PHF14: variants seen among roughly 807,000 people sequenced by gnomAD.
PHF14 encodes the protein PHD finger protein 14.
PHF14 carries 55 observed loss-of-function variants against 117.9 expected under a neutral mutation model. The observed-to-expected ratio is 0.47, with a 90% CI of 0.38 to 0.58. The LOEUF (loss-of-function observed/expected upper bound fraction) is 0.58. Ranked by LOEUF, PHF14 falls within the 20% of genes least tolerant of loss-of-function variation. PHF14 has a pLI of 0.00. For synonymous variants in PHF14, 409 were observed against 368.6 expected (o/e 1.11, Z -1.26); for missense variants, 978 against 1,122.2 (o/e 0.87, Z 1.84).
At position 11,130,925 on chromosome 7, in the gene PHF14, T is replaced by C. The variant is rs1699769487; in HGVS notation, c.2772+19458T>C. Among the ~76,000 whole-genome samples the C allele has an allele frequency of 1.3e-5, 2 of 151,994 alleles. No homozygotes were observed. Among genetic ancestry groups the C allele is most frequent in the African/African-American group, 4.8e-5 (2 of 41,424 alleles). The stretch of plus-strand genomic sequence containing the variant: ...GAATGTCATATAGTATGTAGCCTGT[T>C]CAATTTGGCTTCTTTCCGTAAGCAA... On this transcript the variant is annotated intron_variant, in intron 17 of 17. Coordinates refer to ENST00000634607, the MANE Select transcript of PHF14 (RefSeq NM_001007157.2). The surrounding 1 kb of genome is among the most constrained non-coding windows in gnomAD (Gnocchi z 4.2).
chr7:11,131,769 T>C (rs1010667304), intron 17 of PHF14, among the ~76,000 whole-genome samples: 4 of 151,898 alleles, frequency 2.6e-5, no homozygotes, highest in African/African-American at 7.2e-5. Context: ...CATTTATGTC[T>C]GTGATTCATT....
intron 17 of PHF14, among the ~76,000 whole-genome samples, chr7:11,148,954 T>C (rs960650092): frequency 1.3e-5 from 2 of 152,332 alleles, no homozygotes; most frequent in African/African-American, 4.8e-5. Flanking sequence ...CTAGCATAAT[T>C]TGCATACATA....
At position 11,036,703 on chromosome 7, in the gene PHF14, T is replaced by C; in HGVS notation, c.1873+15T>C. 1 of 1,600,810 alleles carries C rather than the reference T, an allele frequency of 6.2e-7. No homozygotes were observed. Among genetic ancestry groups the C allele is most frequent in the Non-Finnish European group, 8.5e-7 (1 of 1,170,782 alleles). ...TTATTATTTTGGTCAGTATAGACAC[T>C]GGTACATGCACATTTTCACTGAGAA... On this transcript the variant is annotated intron_variant, in intron 9 of 17. Transcript: ENST00000634607.
intron 13 of PHF14, among the ~76,000 whole-genome samples, chr7:11,046,578 A>G (rs1025549898): frequency 2.0e-5 from 3 of 152,168 alleles, no homozygotes; most frequent in African/African-American, 7.2e-5. Flanking sequence ...GCTAGTAGGA[A>G]TTCCAGCATT....
At chr7:11,071,177 T>C in intron 16 of PHF14, 1 of 458,228 alleles carries the variant, frequency 2.2e-6, no homozygotes, top group Non-Finnish European at 4.3e-6. Context: ...AATCTCACTT[T>C]TCTTATTTTA....
chr7:11,070,163 G>A (rs1303919061), intron 16 of PHF14, among the ~76,000 whole-genome samples: 1 of 152,036 alleles, frequency 6.6e-6, no homozygotes, highest in East Asian at 2.0e-4. Context: ...ACTGCAGCCT[G>A]AACTCTTAGG....
At chr7:11,108,023 A>G (rs1787327986) in intron 16 of PHF14, 1 of 151,680 alleles carries the variant, frequency 6.6e-6, no homozygotes, top group Admixed American at 6.6e-5. Context: ...GATGAAGATT[A>G]CAAAGTGGTA....
intron 13 of PHF14, among the ~76,000 whole-genome samples, chr7:11,046,598 C>T (rs1667353285): frequency 6.6e-6 from 1 of 152,000 alleles, no homozygotes; most frequent in South Asian, 2.1e-4. Flanking sequence ...TAGAATGGGA[C>T]ATTTACTGTA....
At chr7:11,035,913 T>C (rs910450261) in intron 8 of PHF14, 127 bp downstream of exon 8, 7 of 720,772 alleles carry the variant, frequency 9.7e-6, no homozygotes, top group Non-Finnish European at 1.6e-5. Context: ...AGGAAATGGA[T>C]TGTGATTAAG....
intron 2 of PHF14, among the ~76,000 whole-genome samples, chr7:10,980,149 G>T (rs1481894751): frequency 1.3e-5 from 2 of 152,194 alleles, no homozygotes; most frequent in East Asian, 3.9e-4. Context: ...AGCAAAGTTG[G>T]ATTGGTCTCA....
At chr7:10,975,912 A>G (rs1448772235) in intron 2 of PHF14, among the ~76,000 whole-genome samples, 1 of 152,156 alleles carries the variant, frequency 6.6e-6, no homozygotes, top group Non-Finnish European at 1.5e-5. Flanking sequence ...GGATGAACGA[A>G]ATTATATTAC....
At chr7:10,975,234 G>T (rs1310978803) in intron 2 of PHF14, among the ~76,000 whole-genome samples, 2 of 152,154 alleles carry the variant, frequency 1.3e-5, no homozygotes, top group Non-Finnish European at 2.9e-5. Context: ...ATATTATAGA[G>T]GAAAAAACTG....
rs758758299 is a variant in PHF14 at position 11,111,358 on chromosome 7, A to G, written c.2663A>G (p.Glu888Gly). 6 of 1,576,846 alleles carry G rather than the reference A, an allele frequency of 3.8e-6. No homozygotes were observed. The highest frequency in any genetic ancestry group is 5.2e-6 in the Non-Finnish European group (6 of 1,149,124). ...GDNENLVRCD[E>G]CRLCYHFGCL... ...ATCTGTTTACCCTGCAGGTGTGATG[A>G]ATGCAGACTCTGCTACCATTTTGGC... The change falls in exon 17 of 18, where the codon GAA (glutamate) becomes GGA (glycine). Residue 888 changes from glutamate to glycine, a missense_variant. By Grantham distance (98) the Glu-to-Gly change is moderately conservative (BLOSUM62 -2). Around this residue, in one of 7 missense-constraint regions of PHF14, gnomAD observed 180 missense variants for 195.4 expected, o/e 0.92. Transcript: ENST00000634607.
intron 4 of PHF14, among the ~76,000 whole-genome samples, chr7:10,992,844 T>C (rs1240745816): frequency 6.6e-6 from 1 of 152,204 alleles, no homozygotes; most frequent in Non-Finnish European, 1.5e-5. Flanking sequence ...GTATTGCATT[T>C]AATCGTCATG....
chr7:11,045,236 T>G (rs1192825103), intron 13 of PHF14, among the ~76,000 whole-genome samples: 6 of 152,192 alleles, frequency 3.9e-5, no homozygotes, highest in African/African-American at 1.4e-4. Flanking sequence ...AGACTCTACC[T>G]TGTTCTTACT....
At chr7:11,153,972 T>TGTGTGTGTGTGTGTGTGTG (rs1562488381) in intron 17 of PHF14, among the ~76,000 whole-genome samples, 1 of 151,322 alleles carries the variant, frequency 6.6e-6, no homozygotes, top group African/African-American at 2.4e-5. Context: ...TGTGTGTGTG[T>TGTGTGTGTGTGTGTGTGTG]TTTAAGAATA....
chr7:11,113,627 A>G (rs13227933), intron 17 of PHF14, among the ~76,000 whole-genome samples: 69,932 of 151,920 alleles, frequency 0.46, 16,691 homozygotes, highest in East Asian at 0.85. Context: ...TCCAATGAAA[A>G]ATGAAATTTA....
chr7:11,087,197 C>CT (rs34960792), intron 16 of PHF14, among the ~76,000 whole-genome samples: 75,027 of 149,160 alleles, frequency 0.5, 19,425 homozygotes, highest in East Asian at 0.85. Context: ...GCCCTTCTTT[C>CT]TTTTTTTTTG....
At chr7:11,113,052 A>C (rs1351846028) in intron 17 of PHF14, among the ~76,000 whole-genome samples, 2 of 152,068 alleles carry the variant, frequency 1.3e-5, no homozygotes, top group Non-Finnish European at 2.9e-5. Flanking sequence ...CTCTTTAATA[A>C]GTTTTTTTAA....
Sources: gnomAD v4.1 joint callset for allele counts (sites outside exome capture counted in the v4.1 genomes callset) on GRCh38, gnomAD v4.1.1 for gene constraint, gnomAD v4.1.1 regional missense constraint, Gnocchi (gnomAD v3.1) non-coding constraint, MANE v1.5 for transcripts, NCBI Gene and HGNC (gene_info 2026-07-23, HGNC 2026-07-21) for gene names.